The following TPD52L1 variants were observed in gnomAD, a reference collection of about 807,000 sequenced individuals.
TPD52L1 encodes the protein tumor protein D53.
Under a neutral mutation model 28.7 loss-of-function variants are expected in TPD52L1, and 18 were observed. The ratio of observed to expected loss-of-function variants is 0.63; its 90% CI spans 0.43 to 0.93. TPD52L1 has a LOEUF of 0.93. TPD52L1 is among the 40% of genes least tolerant of loss of function. TPD52L1 has a pLI of 0.00. For missense variants in TPD52L1, 203 were observed against 254.8 expected (o/e 0.80, Z 1.39); for synonymous variants, 75 against 88.8 (o/e 0.84, Z 0.88).
chr6:125,168,569 G>A (rs568530551), intron 1 of TPD52L1, among the ~76,000 whole-genome samples: 1 of 150,596 alleles, frequency 6.6e-6, no homozygotes, highest in Non-Finnish European at 1.5e-5. Context: ...CCAGGCTGGA[G>A]TGCAGTGGCA....
intron 1 of TPD52L1, among the ~76,000 whole-genome samples, chr6:125,202,057 G>A (rs1394141860): frequency 2.6e-5 from 4 of 152,140 alleles, no homozygotes; most frequent in East Asian, 1.9e-4. Context: ...CCCTGAATCT[G>A]GCTGCAGTCC....
chr6:125,169,788 CT>C (rs146795971), intron 1 of TPD52L1, among the ~76,000 whole-genome samples: 1,846 of 152,268 alleles, frequency 0.012, 36 homozygotes, highest in African/African-American at 0.042. Context: ...GATCCTTTCA[CT>C]CATGGTGTAT....
chr6:125,194,117 A>G (rs1793253190), intron 1 of TPD52L1, among the ~76,000 whole-genome samples: 1 of 149,684 alleles, frequency 6.7e-6, no homozygotes, highest in Admixed American at 6.7e-5. Flanking sequence ...GACTGGAACT[A>G]CTTGTGGATT....
intron 3 of TPD52L1, among the ~76,000 whole-genome samples, chr6:125,236,636 C>A (rs1314766215): frequency 1.3e-5 from 2 of 152,206 alleles, no homozygotes; most frequent in Non-Finnish European, 2.9e-5. Context: ...AGAATGAATT[C>A]TCTAACTAGT....
chr6:125,222,626 TTTAAA>T (rs1795316621), intron 2 of TPD52L1, among the ~76,000 whole-genome samples: 1 of 152,202 alleles, frequency 6.6e-6, no homozygotes, highest in Admixed American at 6.5e-5. Context: ...CTGTTGGGAC[TTTAAA>T]TTATTTTGAG....
chr6:125,194,023 GTT>G (rs3040726), intron 1 of TPD52L1, among the ~76,000 whole-genome samples: 39,905 of 124,512 alleles, frequency 0.32, 3,952 homozygotes, highest in Admixed American at 0.4. Flanking sequence ...CTTCTGAATA[GTT>G]TTTTTTTTTT....
intron 1 of TPD52L1, among the ~76,000 whole-genome samples, chr6:125,210,536 G>A (rs1374330514): frequency 6.6e-6 from 1 of 151,964 alleles, no homozygotes; most frequent in East Asian, 1.9e-4. Flanking sequence ...TATTTCTCCA[G>A]GGCATTCATT....
At chr6:125,229,582 A>T (rs1795818411) in intron 3 of TPD52L1, among the ~76,000 whole-genome samples, 1 of 152,118 alleles carries the variant, frequency 6.6e-6, no homozygotes, top group Non-Finnish European at 1.5e-5. Context: ...TACTTTTTTT[A>T]AAACTTTTTC....
At chr6:125,196,488 G>A (rs954925746) in intron 1 of TPD52L1, among the ~76,000 whole-genome samples, 3 of 152,186 alleles carry the variant, frequency 2.0e-5, no homozygotes, top group African/African-American at 7.2e-5. Flanking sequence ...CTGTCTCAAC[G>A]CAAGACCAAT....
Position 125,177,811 on chromosome 6 carries a change from TATG to T in TPD52L1, c.19+23844_19+23846del, listed in dbSNP as rs149984520. On this transcript the variant is annotated intron_variant, in intron 1 of 6. Coordinates refer to ENST00000534000, the MANE Select transcript of TPD52L1 (RefSeq NM_003287.4). ...TTACTTTTAAAGCGACTTTGATAAA[TATG>T]ATATTTAAATAGTATGATATTAACT... Among the ~76,000 whole-genome samples the T allele has an allele frequency of 4.2e-3, 638 of 152,352 alleles. 5 individuals are homozygous for T. The highest frequency in any genetic ancestry group is 0.014 in the African/African-American group (603 of 41,594).
chr6:125,233,051 T>G (rs1017458615), intron 3 of TPD52L1, among the ~76,000 whole-genome samples: 1 of 152,142 alleles, frequency 6.6e-6, no homozygotes, highest in Admixed American at 6.6e-5. Flanking sequence ...TGGTGGGCTA[T>G]TCAAAGCAGT....
At chr6:125,193,579 G>A (rs1212529696) in intron 1 of TPD52L1, among the ~76,000 whole-genome samples, 2 of 152,010 alleles carry the variant, frequency 1.3e-5, no homozygotes, top group Non-Finnish European at 2.9e-5. Flanking sequence ...TGGGTGCTGA[G>A]GAAGGGCAGA....
intron 6 of TPD52L1, chr6:125,259,849 T>C (rs576305332): frequency 6.6e-6 from 1 of 152,326 alleles, no homozygotes; most frequent in East Asian, 1.9e-4. Context: ...GACAAATACT[T>C]GGATGAAAAA....
At chr6:125,255,064 C>T (rs1265713872) in intron 5 of TPD52L1, among the ~76,000 whole-genome samples, 1 of 152,094 alleles carries the variant, frequency 6.6e-6, no homozygotes, top group East Asian at 1.9e-4. Flanking sequence ...AAGAATGCCC[C>T]AGTTGGGTAG....
intron 6 of TPD52L1, chr6:125,259,902 T>C (rs1345703088): frequency 2.6e-5 from 4 of 152,232 alleles, no homozygotes; most frequent in Non-Finnish European, 4.4e-5. Flanking sequence ...ATCATTCACA[T>C]CTTTGCTTAA....
chr6:125,227,139 A>T (rs1180484752), intron 2 of TPD52L1, among the ~76,000 whole-genome samples: 1 of 152,234 alleles, frequency 6.6e-6, no homozygotes, highest in Non-Finnish European at 1.5e-5. Context: ...TTCTGTGAAC[A>T]TAAAGAAATG....
At chr6:125,169,496 A>G (rs367995247) in intron 1 of TPD52L1, among the ~76,000 whole-genome samples, 1 of 152,106 alleles carries the variant, frequency 6.6e-6, no homozygotes, top group Admixed American at 6.6e-5. Context: ...GTTCATCCTC[A>G]TTTCAGTTAA....
chr6:125,259,159 G>C (rs1313127445), intron 6 of TPD52L1, among the ~76,000 whole-genome samples: 1 of 152,224 alleles, frequency 6.6e-6, no homozygotes, highest in Non-Finnish European at 1.5e-5. Flanking sequence ...TGACTCATGA[G>C]TCGGTAAAGA....
chr6:125,162,492 A>T (rs1328505365), intron 1 of TPD52L1, among the ~76,000 whole-genome samples: 1 of 152,216 alleles, frequency 6.6e-6, no homozygotes, highest in Non-Finnish European at 1.5e-5. Flanking sequence ...TTCAGCAGAT[A>T]TTGATTCATT....
Sources: allele counts gnomAD v4.1 joint callset (sites outside exome capture counted in the v4.1 genomes callset), GRCh38; gene constraint gnomAD v4.1.1; transcripts MANE v1.5; gene names NCBI Gene and HGNC (gene_info 2026-07-23, HGNC 2026-07-21).